The following ARL15 variants were observed in gnomAD, a reference collection of about 807,000 sequenced individuals.
The protein encoded by ARL15 is ARF like GTPase 15.
ARL15 carries 19 observed loss-of-function variants against 25.2 expected under a neutral mutation model. The observed-to-expected ratio is 0.75, with a 90% confidence interval of 0.53 to 1.10. The LOEUF is 1.10. Ranked by LOEUF, ARL15 falls within the 50% of genes least tolerant of loss-of-function variation. ARL15 has a pLI of 0.00. For missense variants in ARL15, 220 were observed against 246.0 expected, an observed-to-expected ratio of 0.89 and a Z score of 0.71; for synonymous variants, 94 against 86.8, an observed-to-expected ratio of 1.08 and a Z score of -0.46.
chr5:54,238,248 G>C (rs1453458928), intron 1 of ARL15, among the ~76,000 whole-genome samples: 1 of 152,122 alleles, frequency 6.6e-6, no homozygotes, highest in African/African-American at 2.4e-5. Flanking sequence ...TATAAGCCCA[G>C]ATTCAGGGGT....
intron 4 of ARL15, among the ~76,000 whole-genome samples, chr5:54,001,195 T>C (rs1159530157): frequency 6.6e-6 from 1 of 152,212 alleles, no homozygotes. Context: ...TGTGCTTAGG[T>C]ACTAGACTCA....
intron 4 of ARL15, among the ~76,000 whole-genome samples, chr5:53,976,669 A>G (rs1010077488): frequency 1.3e-5 from 2 of 152,212 alleles, no homozygotes; most frequent in Admixed American, 1.3e-4. Flanking sequence ...AGAGAAATGC[A>G]TTTGAGAGAA....
rs923968415 is a variant in ARL15, at chr5:54,120,885, C to T, written c.254-7475G>A. Among the ~76,000 whole-genome samples the T allele has an allele frequency of 2.7e-4, 41 of 152,142 alleles. 1 individual carries two copies. Among genetic ancestry groups the T allele is most frequent in the Admixed American group, 2.6e-3 (39 of 15,264 alleles). On this transcript the variant is annotated intron_variant, in intron 3 of 4. Coordinates refer to ENST00000504924, the MANE Select transcript of ARL15 (RefSeq NM_019087.3). Reference sequence around the variant, plus strand: ...GATGAAATAAGATCTTTTAATAATGCGGAAATGCTACTGCTTTCTAGCACA... The same window carrying T: ...GATGAAATAAGATCTTTTAATAATGTGGAAATGCTACTGCTTTCTAGCACA...
At chr5:53,911,027 C>A (rs1235929091) in intron 4 of ARL15, among the ~76,000 whole-genome samples, 2 of 152,076 alleles carry the variant, frequency 1.3e-5, no homozygotes, top group African/African-American at 4.8e-5. Flanking sequence ...TGGAGTTGAA[C>A]AATAACATTC....
chr5:53,907,475 TATATATATA>T (rs1745287340), intron 4 of ARL15, among the ~76,000 whole-genome samples: 2 of 29,738 alleles, frequency 6.7e-5, no homozygotes, highest in African/African-American at 1.5e-4. Context: ...TATATATATA[TATATATATA>T]TATATTTTTT....
chr5:54,008,603 C>T (rs754177875), intron 4 of ARL15, among the ~76,000 whole-genome samples: 1 of 152,174 alleles, frequency 6.6e-6, no homozygotes, highest in Non-Finnish European at 1.5e-5. Flanking sequence ...TTCACCAAAG[C>T]CAGGGAACGT....
intron 4 of ARL15, among the ~76,000 whole-genome samples, chr5:53,901,400 A>G (rs1266105833): frequency 1.3e-5 from 2 of 152,296 alleles, no homozygotes; most frequent in South Asian, 2.1e-4. Context: ...AGTCCTACCT[A>G]TATGTCTGTA....
At chr5:53,893,077 T>G (rs539015554) in intron 4 of ARL15, among the ~76,000 whole-genome samples, 3 of 152,154 alleles carry the variant, frequency 2.0e-5, no homozygotes, top group Non-Finnish European at 4.4e-5. Context: ...CTAGAGTAGA[T>G]AGACCTATTG....
intron 3 of ARL15, among the ~76,000 whole-genome samples, chr5:54,128,668 G>C (rs896030120): frequency 1.3e-5 from 2 of 151,130 alleles, no homozygotes; most frequent in East Asian, 1.9e-4. Flanking sequence ...ACCTATCTCT[G>C]AGCAACACAA....
At position 53,956,901 on chromosome 5, in the gene ARL15, A is replaced by G. The variant is rs1223541332; in HGVS notation, c.463-70188T>C. Among the ~76,000 whole-genome samples the G allele has an allele frequency of 2.0e-5, 3 of 152,070 alleles. No homozygotes were observed. In the East Asian group the frequency reaches 5.8e-4, roughly 29 times the overall value. Reference sequence around the variant, plus strand: ...AAGATAGGTCCACTGCAATTATCCAATCTGAGGAGCAGAAAGAAAAAAGGA... The same window carrying G: ...AAGATAGGTCCACTGCAATTATCCAGTCTGAGGAGCAGAAAGAAAAAAGGA... On this transcript the variant is annotated intron_variant, in intron 4 of 4. Transcript: ENST00000504924.
intron 4 of ARL15, among the ~76,000 whole-genome samples, chr5:53,907,112 G>A (rs1745269743): frequency 6.6e-6 from 1 of 151,906 alleles, no homozygotes; most frequent in Admixed American, 6.6e-5. Context: ...TGGTTTCATT[G>A]AGGCTAGCAA....
intron 1 of ARL15, among the ~76,000 whole-genome samples, chr5:54,195,240 G>T (rs769219907): frequency 6.6e-6 from 1 of 152,110 alleles, no homozygotes; most frequent in Non-Finnish European, 1.5e-5. Flanking sequence ...TACCTGGGCA[G>T]CAAGGCTCAA....
intron 1 of ARL15, chr5:54,282,188 C>T (rs936520399): frequency 1.1e-6 from 1 of 924,594 alleles, no homozygotes; most frequent in Non-Finnish European, 1.3e-6. Flanking sequence ...AGGATAATTG[C>T]CATCACTCCA....
At chr5:54,146,757 AG>A (rs1260459707) in intron 3 of ARL15, among the ~76,000 whole-genome samples, 4 of 152,148 alleles carry the variant, frequency 2.6e-5, no homozygotes, top group Admixed American at 6.5e-5. Flanking sequence ...CCTCATTGCC[AG>A]GGGGGTCAAA....
intron 4 of ARL15, among the ~76,000 whole-genome samples, chr5:54,081,216 G>A (rs1751788624): frequency 6.6e-6 from 1 of 152,120 alleles, no homozygotes; most frequent in Non-Finnish European, 1.5e-5. Context: ...GGATTTTTGT[G>A]TCAAGTTATT....
chr5:54,194,606 T>C (rs753792415), intron 1 of ARL15, among the ~76,000 whole-genome samples: 1 of 152,064 alleles, frequency 6.6e-6, no homozygotes, highest in Non-Finnish European at 1.5e-5. Context: ...CCACCTAATA[T>C]GAAAAATCTA....
chr5:53,954,424 G>A (rs75118214), intron 4 of ARL15, among the ~76,000 whole-genome samples: 6,883 of 152,180 alleles, frequency 0.045, 221 homozygotes, highest in Admixed American at 0.073. Context: ...AGAAAAATAA[G>A]GTAATTACTT....
intron 4 of ARL15, among the ~76,000 whole-genome samples, chr5:54,083,173 G>C (rs940039790): frequency 6.6e-6 from 1 of 152,166 alleles, no homozygotes; most frequent in Non-Finnish European, 1.5e-5. Context: ...CTACTGTCTA[G>C]AGAACAAATC....
chr5:54,053,119 C>T (rs928957268), intron 4 of ARL15, among the ~76,000 whole-genome samples: 1 of 152,104 alleles, frequency 6.6e-6, no homozygotes, highest in Non-Finnish European at 1.5e-5. Context: ...GGCTTGATGG[C>T]ACACACCTGT....
Sources: gnomAD v4.1 joint callset for allele counts (sites outside exome capture counted in the v4.1 genomes callset) on GRCh38, gnomAD v4.1.1 for gene constraint, MANE v1.5 for transcripts, NCBI Gene and HGNC (gene_info 2026-07-23, HGNC 2026-07-21) for gene names.